Variants in BCOR observed in about 807,000 individuals in gnomAD.
BCOR encodes the protein BCL6 corepressor.
A neutral mutation model predicts 86.7 loss-of-function variants in BCOR; 10 were observed. The observed-to-expected ratio is 0.12, with a 90% CI of 0.07 to 0.20. BCOR has a LOEUF of 0.20. Ranked by LOEUF, BCOR falls within the 10% of genes least tolerant of loss-of-function variation. The pLI is 1.00. For synonymous variants in BCOR, 611 were observed against 609.0 expected (o/e 1.00, Z -0.05); for missense variants, 1,259 against 1,452.1 (o/e 0.87, Z 2.16).
At chrX:40,175,711 G>C (rs763078535) in intron 1 of BCOR, among the ~76,000 whole-genome samples, 2 of 112,935 alleles carry the variant, frequency 1.8e-5, no homozygotes, top group African/African-American at 3.2e-5. Flanking sequence ...TGCAGCGTCT[G>C]GGGACGCGAA....
chrX:40,176,538 TC>T lies in BCOR; in HGVS notation c.-41+468del, dbSNP rs755950946. 1.6e-3 allele frequency among the ~76,000 whole-genome samples: 182 copies of T among 112,557 alleles called. 1 individual carries two copies. The highest frequency in any genetic ancestry group is 5.2e-3 in the African/African-American group (161 of 31,048). On this transcript the variant is annotated intron_variant, in intron 1 of 14. Transcript: ENST00000342274. ...TTGGGGTTCAGACGCCCTCGCAGCCTCCGCGTCGGTTCCGCTCTCGCCCCGG... is the reference window on the plus strand; with the variant it reads ...TTGGGGTTCAGACGCCCTCGCAGCCTCGCGTCGGTTCCGCTCTCGCCCCGG...
chrX:40,120,091 C>T (rs1243529809), intron 1 of BCOR, among the ~76,000 whole-genome samples: 1 of 110,756 alleles, frequency 9.0e-6, no homozygotes, highest in African/African-American at 3.3e-5. Flanking sequence ...GGCAGATGTG[C>T]CGTATTGGAG....
intron 1 of BCOR, among the ~76,000 whole-genome samples, chrX:40,138,332 C>CT (rs1308382010): frequency 8.9e-6 from 1 of 111,856 alleles, no homozygotes; most frequent in Non-Finnish European, 1.9e-5. Flanking sequence ...TACTTATGTG[C>CT]TGAGCGTAGG....
Position 40,061,944 on chromosome X carries a change from C to G in BCOR, c.4428+195G>C, listed in dbSNP as rs1383844467. 3.6e-5 allele frequency among the ~76,000 whole-genome samples: 4 copies of G among 110,949 alleles called. No homozygotes were observed. The Admixed American group carries it at 3.8e-4, about 11-fold the overall frequency. On this transcript the variant is annotated intron_variant, in intron 10 of 14. Coordinates refer to ENST00000378444, the MANE Select transcript of BCOR (RefSeq NM_001123385.2). ...TGAACATCAGAGAGGCCTTTCTTTC[C>G]ACACCGCGATTGAACAAGCCACCAA...
At chrX:40,158,451 C>T (rs760131980) in intron 1 of BCOR, among the ~76,000 whole-genome samples, 8 of 112,325 alleles carry the variant, frequency 7.1e-5, no homozygotes, top group African/African-American at 2.6e-4. Context: ...CCTCCCGAGG[C>T]CCCCCTCCCC....
chrX:40,102,866 C>G (rs749063084), upstream of BCOR, among the ~76,000 whole-genome samples: 15 of 113,394 alleles, frequency 1.3e-4, no homozygotes, highest in South Asian at 5.3e-3. Flanking sequence ...CCAACAAAGT[C>G]GGTCACAGAG....
At chrX:40,154,404 C>T (rs1183587932) in intron 1 of BCOR, among the ~76,000 whole-genome samples, 2 of 112,584 alleles carry the variant, frequency 1.8e-5, no homozygotes, top group Non-Finnish European at 3.8e-5. Flanking sequence ...CTCGCCCAGG[C>T]TCCGCTCGCC....
Position 40,074,185 on chromosome X carries a change from C to T in BCOR, c.1161G>A (p.Arg387=), listed in dbSNP as rs368329819. Residue 387 remains arginine, a synonymous_variant, in exon 4 of 15, where the codon AGG becomes AGA. Transcript: ENST00000378444. The part of the protein sequence containing the change: ...MTVSSEFPAA[R]LSNGKYPKAP... Reference sequence around the variant, plus strand: ...CCTTGGGATACTTGCCATTGGAGAGCCTGGCCGCGGGGAACTCGCTGCTAA... The same window carrying T: ...CCTTGGGATACTTGCCATTGGAGAGTCTGGCCGCGGGGAACTCGCTGCTAA... 1 of 1,211,014 alleles carries T rather than the reference C, an allele frequency of 8.3e-7. No individual in the cohort carries two copies. Among genetic ancestry groups the T allele is most frequent in the African/African-American group, 1.7e-5 (1 of 57,552 alleles).
chrX:40,060,921 A>G (rs1934834801), intron 10 of BCOR, among the ~76,000 whole-genome samples: 1 of 112,508 alleles, frequency 8.9e-6, no homozygotes. Flanking sequence ...CACCCACACA[A>G]TCATGCCCCA....
intron 8 of BCOR, 41 bp downstream of exon 8, chrX:40,063,567 C>G (rs1318848372): frequency 1.8e-5 from 20 of 1,110,646 alleles, no homozygotes; most frequent in Non-Finnish European, 2.4e-5. Context: ...GACCCACCCT[C>G]CAGGAGCGGG....
intron 1 of BCOR, among the ~76,000 whole-genome samples, chrX:40,158,437 G>T (rs1170148344): frequency 8.9e-6 from 1 of 112,358 alleles, no homozygotes; most frequent in Non-Finnish European, 1.9e-5. Context: ...GCCGGGGGGC[G>T]CTCCCTCCCG....
Position 40,074,546 on chromosome X carries a change from A to G in BCOR, c.800T>C (p.Leu267Pro), listed in dbSNP as rs1477989848. The G allele has an allele frequency of 8.3e-7, 1 of 1,209,290 alleles. No homozygotes were observed. Among genetic ancestry groups the G allele is most frequent in the African/African-American group, 1.7e-5 (1 of 57,371 alleles). ...IPSSLASPMR[L>P]STPSASPAIP... ...GGCTGGGGAGGCCGAAGGTGTCGAG[A>G]GCCTCATGGGTGATGCCAAGGACGA... Residue 267 changes from leucine to proline, a missense_variant, in exon 4 of 15, where the codon CTC (leucine) becomes CCC (proline). Physicochemically the swap from Leu to Pro is moderately conservative, Grantham distance 98 (BLOSUM62 -3). Around this residue, in one of 7 missense-constraint regions of BCOR, gnomAD observed 534 missense variants for 594.8 expected, o/e 0.90. Coordinates refer to ENST00000378444, the MANE Select transcript of BCOR (RefSeq NM_001123385.2).
chrX:40,080,438 A>C (rs192080284), intron 1 of BCOR, among the ~76,000 whole-genome samples: 7 of 111,027 alleles, frequency 6.3e-5, no homozygotes, highest in East Asian at 2.8e-4. Context: ...CAAAACTCAA[A>C]AAACAAACAA....
intron 10 of BCOR, among the ~76,000 whole-genome samples, chrX:40,058,883 C>T (rs1461878606): frequency 8.9e-6 from 1 of 111,946 alleles, no homozygotes; most frequent in Non-Finnish European, 1.9e-5. Flanking sequence ...ACTAGCCAGA[C>T]TCGAGTGGAC....
At chrX:40,141,913 GCCTC>G (rs1937931203) in intron 1 of BCOR, among the ~76,000 whole-genome samples, 1 of 110,919 alleles carries the variant, frequency 9.0e-6, no homozygotes, top group African/African-American at 3.3e-5. Context: ...TTGCCCTCTG[GCCTC>G]GATGCCCACC....
chrX:40,173,611 T>TG (rs1228988722), intron 1 of BCOR, among the ~76,000 whole-genome samples: 6 of 112,318 alleles, frequency 5.3e-5, no homozygotes, highest in Admixed American at 3.8e-4. Flanking sequence ...CTTGTGTGTG[T>TG]GTGGTGGTGG....
chrX:40,063,556 T>A, intron 8 of BCOR, 52 bp downstream of exon 8: 1 of 1,049,153 alleles, frequency 9.5e-7, no homozygotes, highest in East Asian at 3.0e-5. Context: ...AGAGAGTGGA[T>A]GACCCACCCT....
At chrX:40,062,621 G>T in intron 9 of BCOR, 125 bp downstream of exon 9, 1 of 769,828 alleles carries the variant, frequency 1.3e-6, no homozygotes, top group Non-Finnish European at 1.9e-6. Flanking sequence ...TCTAGGACAG[G>T]GGAGTGACGT....
chrX:40,116,308 T>C (rs1396851162), intron 1 of BCOR, among the ~76,000 whole-genome samples: 1 of 110,706 alleles, frequency 9.0e-6, no homozygotes, highest in Non-Finnish European at 1.9e-5. Flanking sequence ...CCATCCTGGC[T>C]AACACCGTGA....
Sources: gnomAD v4.1 joint callset for allele counts (sites outside exome capture counted in the v4.1 genomes callset) on GRCh38, gnomAD v4.1.1 for gene constraint, gnomAD v4.1.1 regional missense constraint, MANE v1.5 for transcripts, NCBI Gene and HGNC (gene_info 2026-07-23, HGNC 2026-07-21) for gene names.